The following SH3RF3 variants were observed in gnomAD, a reference collection of about 807,000 sequenced individuals.
SH3RF3 encodes the protein E3 ubiquitin-protein ligase SH3RF3.
SH3RF3 carries 29 observed loss-of-function variants against 66.3 expected under a neutral mutation model. That is an observed-to-expected ratio of 0.44 (90% CI 0.33 to 0.60). The LOEUF is 0.60. SH3RF3 is among the 20% of genes least tolerant of loss of function. The pLI, the probability that SH3RF3 is intolerant of heterozygous loss-of-function variation, is 0.04. For missense variants in SH3RF3, 1,194 were observed against 1,190.9 expected (o/e 1.00, Z -0.04); for synonymous variants, 583 against 532.0 (o/e 1.10, Z -1.32).
At chr2:109,357,059 A>G (rs1339911577) in intron 2 of SH3RF3, among the ~76,000 whole-genome samples, 1 of 151,552 alleles carries the variant, frequency 6.6e-6, no homozygotes, top group Non-Finnish European at 1.5e-5. Context: ...ACCTTTTTAA[A>G]ATTTTTTTTT....
intron 1 of SH3RF3, among the ~76,000 whole-genome samples, chr2:109,257,397 G>A (rs796738163): frequency 8.6e-5 from 13 of 151,768 alleles, no homozygotes; most frequent in African/African-American, 3.1e-4. Flanking sequence ...AGGGAAGGAG[G>A]GAGAGGAAGG....
rs1002399472 is a variant in SH3RF3, at chr2:109,308,168, G to T, written c.574-39506G>T. 9.8e-3 allele frequency among the ~76,000 whole-genome samples: 1,365 copies of T among 139,194 alleles called. 21 individuals carry two copies. The highest frequency in any genetic ancestry group is 0.014 in the Non-Finnish European group (907 of 65,972). 91.3% of individuals were successfully genotyped at this position (139,194 alleles called of 152,430 possible). On this transcript the variant is annotated intron_variant, in intron 1 of 9. Transcript: ENST00000309415. Reference sequence around the variant, plus strand: ...TGGTTTTGATTTGCATTTCCCTGATGGCCAGTGATGATGAGCATTTTTTCA... The same window carrying T: ...TGGTTTTGATTTGCATTTCCCTGATTGCCAGTGATGATGAGCATTTTTTCA...
intron 9 of SH3RF3, among the ~76,000 whole-genome samples, chr2:109,491,488 A>AT (rs1213773378): frequency 3.9e-5 from 6 of 152,190 alleles, no homozygotes; most frequent in Non-Finnish European, 8.8e-5. Flanking sequence ...ATTCATTTCG[A>AT]TGCTTACTAG....
chr2:109,323,927 A>T lies in SH3RF3; in HGVS notation c.574-23747A>T, dbSNP rs148529042. 3.6e-3 allele frequency among the ~76,000 whole-genome samples: 544 copies of T among 152,242 alleles called. 6 individuals are homozygous for T. Among genetic ancestry groups the T allele is most frequent in the African/African-American group, 0.012 (505 of 41,520 alleles). Reference sequence around the variant, plus strand: ...TGTCTAATTTCAGAAACTTTCCATCACTGTAAAAAGAAATGCCATACCTAT... The same window carrying T: ...TGTCTAATTTCAGAAACTTTCCATCTCTGTAAAAAGAAATGCCATACCTAT... On this transcript the variant is annotated intron_variant, in intron 1 of 9. Coordinates refer to ENST00000309415, the MANE Select transcript of SH3RF3 (RefSeq NM_001099289.3).
At chr2:109,329,732 A>G (rs558945988) in intron 1 of SH3RF3, among the ~76,000 whole-genome samples, 1 of 152,342 alleles carries the variant, frequency 6.6e-6, no homozygotes, top group East Asian at 1.9e-4. Context: ...GGTGAAATGA[A>G]TTGCAGGAGT....
At chr2:109,463,261 G>A (rs1356582279) in intron 8 of SH3RF3, among the ~76,000 whole-genome samples, 1 of 152,248 alleles carries the variant, frequency 6.6e-6, no homozygotes, top group Non-Finnish European at 1.5e-5. Context: ...TGGACTGCCA[G>A]TTGCCAGTTG....
At chr2:109,172,446 T>C (rs1677808048) in intron 1 of SH3RF3, among the ~76,000 whole-genome samples, 1 of 152,220 alleles carries the variant, frequency 6.6e-6, no homozygotes, top group South Asian at 2.1e-4. Context: ...AAAATACGTT[T>C]ATTGAGATAG....
intron 4 of SH3RF3, among the ~76,000 whole-genome samples, chr2:109,405,121 C>G (rs1279836225): frequency 1.3e-5 from 2 of 152,032 alleles, no homozygotes; most frequent in Non-Finnish European, 2.9e-5. Flanking sequence ...CTCCAGAACC[C>G]CAGCCAACGT....
intron 1 of SH3RF3, among the ~76,000 whole-genome samples, chr2:109,226,056 A>G (rs998736452): frequency 6.6e-6 from 1 of 152,186 alleles, no homozygotes; most frequent in Non-Finnish European, 1.5e-5. Flanking sequence ...ACCCTGAACA[A>G]CTTATCTGCA....
intron 3 of SH3RF3, among the ~76,000 whole-genome samples, chr2:109,391,717 T>C (rs985293296): frequency 6.6e-6 from 1 of 152,198 alleles, no homozygotes; most frequent in Non-Finnish European, 1.5e-5. Context: ...CCACTACTTC[T>C]GTGAATAAAG....
chr2:109,135,467 A>G (rs971225967), intron 1 of SH3RF3, among the ~76,000 whole-genome samples: 1 of 152,200 alleles, frequency 6.6e-6, no homozygotes, highest in Non-Finnish European at 1.5e-5. Flanking sequence ...CTTCTTAGAT[A>G]AATAGGATAA....
At chr2:109,138,683 A>G (rs1022946676) in intron 1 of SH3RF3, among the ~76,000 whole-genome samples, 2 of 152,204 alleles carry the variant, frequency 1.3e-5, no homozygotes, top group Non-Finnish European at 2.9e-5. Context: ...CTGCCTGCAG[A>G]CTGCAGCTGT....
At chr2:109,437,550 C>T (rs930980894) in intron 7 of SH3RF3, among the ~76,000 whole-genome samples, 7 of 152,164 alleles carry the variant, frequency 4.6e-5, no homozygotes, top group Non-Finnish European at 5.9e-5. Context: ...GATTGTGGGC[C>T]GGCCACGTGG....
At chr2:109,495,300 GTCTGT>G (rs1174320463) in intron 9 of SH3RF3, among the ~76,000 whole-genome samples, 1 of 152,108 alleles carries the variant, frequency 6.6e-6, no homozygotes, top group Non-Finnish European at 1.5e-5. Context: ...ACCAACCCTG[GTCTGT>G]TCTGGTGCAG....
chr2:109,144,037 G>A (rs368493602), intron 1 of SH3RF3, among the ~76,000 whole-genome samples: 2 of 152,240 alleles, frequency 1.3e-5, no homozygotes, highest in African/African-American at 4.8e-5. Context: ...AGGTGGTTAC[G>A]AGGCGCCGGA....
At chr2:109,249,536 C>CTTTTTCT (rs1273437959) in intron 1 of SH3RF3, among the ~76,000 whole-genome samples, 2 of 74,080 alleles carry the variant, frequency 2.7e-5, no homozygotes, top group Non-Finnish European at 5.5e-5. Flanking sequence ...TCTTTCTTTC[C>CTTTTTCT]TTCCTTCCTT....
At chr2:109,168,056 T>C (rs1003543267) in intron 1 of SH3RF3, among the ~76,000 whole-genome samples, 1 of 152,326 alleles carries the variant, frequency 6.6e-6, no homozygotes, top group Middle Eastern at 3.4e-3. Context: ...TGTGGGACTT[T>C]CATTTACTAA....
chr2:109,130,516 G>A (rs1453023793), intron 1 of SH3RF3, among the ~76,000 whole-genome samples: 1 of 152,172 alleles, frequency 6.6e-6, no homozygotes, highest in Admixed American at 6.5e-5. Flanking sequence ...TAACGTTTCT[G>A]ACAGGGCTCT....
chr2:109,453,720 T>C (rs1189556407), intron 8 of SH3RF3, among the ~76,000 whole-genome samples: 1 of 152,202 alleles, frequency 6.6e-6, no homozygotes, highest in African/African-American at 2.4e-5. Context: ...AGCCAGAGTA[T>C]AGTACAGGTC....
Sources: allele counts gnomAD v4.1 joint callset (sites outside exome capture counted in the v4.1 genomes callset), GRCh38; gene constraint gnomAD v4.1.1; transcripts MANE v1.5; gene names NCBI Gene and HGNC (gene_info 2026-07-23, HGNC 2026-07-21).